BMP10: variants seen among roughly 807,000 people sequenced by gnomAD.
BMP10 encodes bone morphogenetic protein 10.
BMP10 carries 9 observed loss-of-function variants against 29.9 expected under a neutral mutation model. That is an observed-to-expected ratio of 0.30 (90% CI 0.18 to 0.53). BMP10 has a LOEUF of 0.53. BMP10 is among the 20% of genes least tolerant of loss of function. BMP10 has a pLI of 0.96. For synonymous variants in BMP10, 202 were observed against 200.2 expected, an observed-to-expected ratio of 1.01 and a Z score of -0.07; for missense variants, 474 against 524.3, an observed-to-expected ratio of 0.90 and a Z score of 0.94.
chr2:68,869,407 A>G (rs1573687820), intron 1 of BMP10, among the ~76,000 whole-genome samples: 1 of 152,184 alleles, frequency 6.6e-6, no homozygotes, highest in Admixed American at 6.5e-5. Context: ...CTCAGGCTGC[A>G]CATTTCCTGC....
chr2:68,866,134 C>G lies in BMP10; in HGVS notation c.772G>C (p.Asp258His). 6.2e-7 allele frequency: 1 copy of G among 1,614,108 alleles called. No individual in the cohort carries two copies. Among genetic ancestry groups the G allele is most frequent in the Non-Finnish European group, 8.5e-7 (1 of 1,179,994 alleles). Residue 258 changes from aspartate to histidine, a missense_variant, in exon 2 of 2, where the codon GAT (aspartate) becomes CAT (histidine). Transcript: ENST00000295379. ...CTCTCCTTGTCACTGCTTTGGTCAT[C>G]AGAAAACACGATGAGCAAAGGGTTA... The part of the protein sequence containing the change: ...KHNPLLIVFS[D>H]DQSSDKERKE...
Position 68,871,228 on chromosome 2 carries a change from G to T in BMP10, c.131C>A (p.Ser44Ter). Reference sequence around the variant, plus strand: ...GTTAAAGTCGACACCGTCTTGCTCTGAGAAAACATCACCAAAGAGGGACAT... The same window carrying T: ...GTTAAAGTCGACACCGTCTTGCTCTTAGAAAACATCACCAAAGAGGGACAT... ...EDMSLFGDVF[S>*]EQDGVDFNTL... The change falls in exon 1 of 2, where the codon TCA (serine) becomes TAA (stop). Residue 44 changes from serine to a stop codon, truncating the protein, a stop_gained. Transcript: ENST00000295379. LOFTEE classifies it high-confidence loss of function. 1 of 1,614,116 alleles carries T rather than the reference G, an allele frequency of 6.2e-7. No individual in the cohort carries two copies. The highest frequency in any genetic ancestry group is 8.5e-7 in the Non-Finnish European group (1 of 1,180,014).
rs2231343 is a variant in BMP10 at position 68,866,222 on chromosome 2, G to T, written c.684C>A (p.His228Gln). ...HQLEVHIESK[H>Q]DEAEDASSGR... Reference sequence around the variant, plus strand: ...CACTGCTGGCATCCTCAGCTTCATCGTGTTTGCTCTCAATGTGGACCTCCA... The same window carrying T: ...CACTGCTGGCATCCTCAGCTTCATCTTGTTTGCTCTCAATGTGGACCTCCA... The change falls in exon 2 of 2, where the codon CAC (histidine) becomes CAA (glutamine). Residue 228 changes from histidine to glutamine, a missense_variant. Physicochemically the swap from His to Gln is conservative, Grantham distance 24. Coordinates refer to ENST00000295379, the MANE Select transcript of BMP10 (RefSeq NM_014482.3). The T allele has an allele frequency of 1.2e-6, 2 of 1,613,946 alleles. No homozygotes were observed. Among genetic ancestry groups the T allele is most frequent in the Non-Finnish European group, 1.7e-6 (2 of 1,179,986 alleles).
chr2:68,865,645 A>G lies in BMP10; in HGVS notation c.1261T>C (p.Cys421Arg). The G allele has an allele frequency of 6.2e-7, 1 of 1,613,878 alleles. No individual in the cohort carries two copies. Among genetic ancestry groups the G allele is most frequent in the Non-Finnish European group, 8.5e-7 (1 of 1,179,812 alleles). ...GGACTCTTCTTCTATCTACAGCCAC[A>G]TTCGGAGACGGCCATGCCTTCGTAT... is the stretch of plus-strand genomic sequence containing the variant. The part of the protein sequence containing the change: ...FKYEGMAVSE[C>R]GCR Residue 421 changes from cysteine (C) to arginine (R), a missense_variant, in exon 2 of 2, where the codon TGT (cysteine) becomes CGT (arginine). Coordinates refer to ENST00000295379, the MANE Select transcript of BMP10 (RefSeq NM_014482.3). The surrounding 1 kb of genome is among the most constrained non-coding windows in gnomAD (Gnocchi z 4.7).
chr2:68,870,735 T>C (rs917081680), intron 1 of BMP10, among the ~76,000 whole-genome samples: 7 of 152,232 alleles, frequency 4.6e-5, no homozygotes, highest in African/African-American at 1.4e-4. Context: ...TAATTCTTTG[T>C]ATTACTTGGT....
At position 68,871,059 on chromosome 2, in the gene BMP10, G is replaced by C; in HGVS notation, c.300C>G (p.Pro100=). The stretch of plus-strand genomic sequence containing the variant: ...TGAAACTCCTAATGATGTTGGCAGA[G>C]GGCATGGAGGTCCGATCTGTTGCAA... ...NKFATDRTSM[P]SANIIRSFKN... Residue 100 remains proline, a synonymous_variant, in exon 1 of 2, where the codon CCC becomes CCG. Coordinates refer to ENST00000295379, the MANE Select transcript of BMP10 (RefSeq NM_014482.3). 1 of 1,613,874 alleles carries C rather than the reference G, an allele frequency of 6.2e-7. No individual in the cohort carries two copies. Among genetic ancestry groups the C allele is most frequent in the Non-Finnish European group, 8.5e-7 (1 of 1,179,922 alleles).
chr2:68,865,136 T>G lies in BMP10; in HGVS notation c.*495A>C, dbSNP rs1654048028. On this transcript the variant is annotated 3_prime_UTR_variant, in exon 2 of 2. Transcript: ENST00000295379. This position sits in a 1 kb window ranked among gnomAD's most constrained non-coding sequence, Gnocchi z 4.7. ...TCAACTGACAAAAGCTACACTTACA[T>G]TTCCAGAGTATTTAGGAAGGGTAAT... is the stretch of plus-strand genomic sequence containing the variant. 6.6e-6 allele frequency among the ~76,000 whole-genome samples: 1 copy of G among 152,214 alleles called. No homozygotes were observed. The highest frequency in any genetic ancestry group is 2.4e-5 in the African/African-American group (1 of 41,456).
Position 68,866,172 on chromosome 2 carries a change from G to C in BMP10, c.734C>G (p.Ala245Gly), listed in dbSNP as rs754104216. ...SSGRLEIDTSAQNKHNPLLIV... is the reference protein window; with the variant it reads ...SSGRLEIDTSGQNKHNPLLIV... ...GAGCAAAGGGTTATGCTTATTCTGG[G>C]CACTGGTATCTATTTCTAGCCGTCC... The change falls in exon 2 of 2, where the codon GCC (alanine) becomes GGC (glycine). Residue 245 changes from alanine to glycine, a missense_variant. By Grantham distance (60) the Ala-to-Gly change is moderately conservative. Transcript: ENST00000295379. 1 of 1,613,818 alleles carries C rather than the reference G, an allele frequency of 6.2e-7. No homozygotes were observed. The highest frequency in any genetic ancestry group is 1.3e-5 in the African/African-American group (1 of 74,844).
chr2:68,871,304 C>T lies in BMP10; in HGVS notation c.55G>A (p.Val19Ile), dbSNP rs768105760. ...CALFCLAAYL[V>I]SGSPIMNLEQ... Reference sequence around the variant, plus strand: ...AGGTTCATGATGGGGCTGCCAGAAACCAAGTAAGCTGCCAGGCAGAAAAGA... The same window carrying T: ...AGGTTCATGATGGGGCTGCCAGAAATCAAGTAAGCTGCCAGGCAGAAAAGA... The change falls in exon 1 of 2, where the codon GTT becomes ATT. Residue 19 changes from valine to isoleucine, a missense_variant. Val to Ile is a conservative substitution (Grantham distance 29). Coordinates refer to ENST00000295379, the MANE Select transcript of BMP10 (RefSeq NM_014482.3). 3 of 1,614,126 alleles carry T rather than the reference C, an allele frequency of 1.9e-6. No homozygotes were observed. The highest frequency in any genetic ancestry group is 1.1e-5 in the South Asian group (1 of 91,088).
At chr2:68,868,385 T>A (rs1558685938) in intron 1 of BMP10, among the ~76,000 whole-genome samples, 2 of 152,196 alleles carry the variant, frequency 1.3e-5, no homozygotes, top group Admixed American at 1.3e-4. Context: ...AATCATTTGA[T>A]CACTTTATAT....
At chr2:68,870,962 T>C in intron 1 of BMP10, 63 bp downstream of exon 1, 1 of 1,389,188 alleles carries the variant, frequency 7.2e-7, no homozygotes, top group Non-Finnish European at 1.0e-6. Context: ...TTCCCATGCA[T>C]TGTAAATTTA....
At chr2:68,870,960 C>T in intron 1 of BMP10, 65 bp downstream of exon 1, 1 of 1,358,994 alleles carries the variant, frequency 7.4e-7, no homozygotes. Flanking sequence ...CATTCCCATG[C>T]ATTGTAAATT....
Position 68,865,339 on chromosome 2 carries a change from G to A in BMP10, c.*292C>T, listed in dbSNP as rs925998127. ...AAAAGATTTTTGTAAGTTCATGTATGTACAAATATACATACACAAGTGTGT... is the reference window on the plus strand; with the variant it reads ...AAAAGATTTTTGTAAGTTCATGTATATACAAATATACATACACAAGTGTGT... On this transcript the variant is annotated 3_prime_UTR_variant, in exon 2 of 2. Transcript: ENST00000295379. This position sits in a 1 kb window ranked among gnomAD's most constrained non-coding sequence, Gnocchi z 4.7. 1.3e-5 allele frequency: 5 copies of A among 394,134 alleles called. No individual in the cohort carries two copies. The highest frequency in any genetic ancestry group is 4.5e-5 in the South Asian group (1 of 22,406). The allele number at this position is 394,134 out of a possible 1,614,324, so 24.4% of individuals were successfully genotyped here.
chr2:68,866,640 T>A, intron 1 of BMP10, 69 bp from the exon 2 acceptor site: 1 of 1,215,978 alleles, frequency 8.2e-7, no homozygotes, highest in Non-Finnish European at 1.1e-6. Context: ...CTTATTTATG[T>A]AATAAGAAGG....
Position 68,865,957 on chromosome 2 carries a change from T to A in BMP10, c.949A>T (p.Asn317Tyr). The A allele has an allele frequency of 6.2e-7, 1 of 1,614,058 alleles. No individual in the cohort carries two copies. The highest frequency in any genetic ancestry group is 8.5e-7 in the Non-Finnish European group (1 of 1,179,972). The change falls in exon 2 of 2, where the codon AAC becomes TAC. Residue 317 changes from asparagine (N) to tyrosine (Y), a missense_variant. Asn to Tyr is a moderately radical substitution (Grantham distance 143). This residue lies in a region of BMP10 where 408 missense variants were observed against 415.3 expected (regional missense o/e 0.98). Transcript: ENST00000295379. This position sits in a 1 kb window ranked among gnomAD's most constrained non-coding sequence, Gnocchi z 4.7. The part of the protein sequence containing the change: ...IYDSTARIRR[N>Y]AKGNYCKRTP... ...CTCTTACAGTAGTTTCCTTTGGCGT[T>A]CCTTCTGATTCGGGCAGTGGAGTCA...
intron 1 of BMP10, 144 bp from the exon 2 acceptor site, chr2:68,866,715 A>G (rs1259508721): frequency 5.8e-6 from 4 of 685,408 alleles, no homozygotes; most frequent in Non-Finnish European, 7.2e-6. Context: ...AACAAACACA[A>G]TGTCAGCATT....
intron 1 of BMP10, among the ~76,000 whole-genome samples, chr2:68,867,858 G>C (rs775932574): frequency 6.6e-6 from 1 of 152,066 alleles, no homozygotes; most frequent in Non-Finnish European, 1.5e-5. Context: ...ATTTTAGACT[G>C]TTCCTAAGCA....
At chr2:68,870,888 T>C in intron 1 of BMP10, 137 bp downstream of exon 1, 3 of 770,604 alleles carry the variant, frequency 3.9e-6, no homozygotes, top group Middle Eastern at 3.4e-4. Context: ...AAATGTGCCT[T>C]GTTTTTGTGT....
At position 68,865,458 on chromosome 2, in the gene BMP10, T is replaced by G. The variant is rs1053577869; in HGVS notation, c.*173A>C. On this transcript the variant is annotated 3_prime_UTR_variant, in exon 2 of 2. Transcript: ENST00000295379. The surrounding 1 kb of genome is among the most constrained non-coding windows in gnomAD (Gnocchi z 4.7). ...TGGCAAGTCCAAAGAGAAAACAGAT[T>G]GAAAGGGACTTAACTGGAGAGGAAA... 4.4e-6 allele frequency: 3 copies of G among 676,930 alleles called. No individual in the cohort carries two copies. In the African/African-American group the frequency reaches 5.4e-5, roughly 12 times the overall value. 41.9% of individuals were successfully genotyped at this position (676,930 alleles called of 1,614,324 possible).
Sources: gnomAD v4.1 joint callset for allele counts (sites outside exome capture counted in the v4.1 genomes callset) on GRCh38, gnomAD v4.1.1 for gene constraint, gnomAD v4.1.1 regional missense constraint, Gnocchi (gnomAD v3.1) non-coding constraint, MANE v1.5 for transcripts, NCBI Gene and HGNC (gene_info 2026-07-23, HGNC 2026-07-21) for gene names.